RSRC1: variants seen among roughly 807,000 people sequenced by gnomAD.
RSRC1 encodes the protein serine/Arginine-related protein 53.
RSRC1 carries 39 observed loss-of-function variants against 49.1 expected under a neutral mutation model. The observed-to-expected ratio is 0.79, with a 90% CI of 0.61 to 1.04. The LOEUF (loss-of-function observed/expected upper bound fraction) is 1.04, where lower values mean the gene tolerates loss of function less well. Among genes scored for constraint, RSRC1 ranks in the 50% least tolerant of loss-of-function variants. RSRC1 has a pLI of 0.00. For missense variants in RSRC1, 388 were observed against 402.4 expected, an observed-to-expected ratio of 0.96 and a Z score of 0.31; for synonymous variants, 143 against 130.8, an observed-to-expected ratio of 1.09 and a Z score of -0.63.
intron 5 of RSRC1, among the ~76,000 whole-genome samples, chr3:158,342,316 TTGTTGGAGAGAGCC>T (rs1251676012): frequency 6.6e-6 from 1 of 152,180 alleles, no homozygotes. Context: ...TTCCCACATG[TTGTTGGAGAGAGCC>T]TGGCGGAGGT....
chr3:158,465,934 GA>G (rs1365094983), intron 7 of RSRC1, among the ~76,000 whole-genome samples: 2 of 152,088 alleles, frequency 1.3e-5, no homozygotes, highest in South Asian at 2.1e-4. Context: ...ATTTAGTAAA[GA>G]AAAAAGAAAA....
chr3:158,153,806 TGA>T (rs1238392388), intron 3 of RSRC1, among the ~76,000 whole-genome samples: 2 of 149,872 alleles, frequency 1.3e-5, no homozygotes, highest in African/African-American at 5.0e-5. Context: ...AGCTTGTTTT[TGA>T]GAGTCTTGAT....
intron 3 of RSRC1, among the ~76,000 whole-genome samples, chr3:158,135,730 C>CT (rs1405094418): frequency 6.6e-6 from 1 of 152,078 alleles, no homozygotes; most frequent in Non-Finnish European, 1.5e-5. Context: ...GTTGACAAGG[C>CT]TTTAAGTCCC....
rs1484253424 is a variant in RSRC1 at position 158,283,630 on chromosome 3, AT to A, written c.495-14407del. Among the ~76,000 whole-genome samples, 5 of 152,082 alleles carry A rather than the reference AT, an allele frequency of 3.3e-5. No individual in the cohort carries two copies. In the East Asian group the frequency reaches 9.6e-4, roughly 29 times the overall value. ...ATATTTTATTTGACAGTTTGCCATT[AT>A]TGGGCATTTAGTTCTCAGTTTTTTG... On this transcript the variant is annotated intron_variant, in intron 4 of 9. Transcript: ENST00000611884.
At chr3:158,352,876 T>A (rs1730950642) in intron 5 of RSRC1, among the ~76,000 whole-genome samples, 1 of 152,204 alleles carries the variant, frequency 6.6e-6, no homozygotes, top group African/African-American at 2.4e-5. Flanking sequence ...TCATCATAAA[T>A]GTTTGCATTA....
intron 5 of RSRC1, among the ~76,000 whole-genome samples, chr3:158,321,150 C>T (rs569620290): frequency 6.6e-6 from 1 of 152,022 alleles, no homozygotes; most frequent in Non-Finnish European, 1.5e-5. Context: ...CATCACTTCT[C>T]CTTCTTCTGT....
At chr3:158,284,721 C>T (rs1726405929) in intron 4 of RSRC1, among the ~76,000 whole-genome samples, 1 of 152,024 alleles carries the variant, frequency 6.6e-6, no homozygotes, top group African/African-American at 2.4e-5. Context: ...ACGTCCTTTG[C>T]CCACTTTTTG....
intron 3 of RSRC1, among the ~76,000 whole-genome samples, chr3:158,169,656 GA>G (rs1169604152): frequency 1.3e-5 from 2 of 152,118 alleles, no homozygotes; most frequent in African/African-American, 4.8e-5. Flanking sequence ...CATTCTGAAA[GA>G]AATCTTGGCC....
In RSRC1 at chr3:158,379,294, G is replaced by A. The variant is rs372341574; in HGVS notation, c.583+24386G>A. On this transcript the variant is annotated intron_variant, in intron 6 of 9. Transcript: ENST00000611884. ...CAGCTCACTGCAAGCTCCGCCTCCC[G>A]GGTTCATGCCATTCTTCTGCCTCAG... 1.9e-4 allele frequency among the ~76,000 whole-genome samples: 28 copies of A among 144,968 alleles called. No homozygotes were observed. The East Asian group carries it at 2.8e-3, about 14-fold the overall frequency.
intron 7 of RSRC1, among the ~76,000 whole-genome samples, chr3:158,527,077 CTTTT>C (rs543523088): frequency 3.0e-4 from 33 of 110,122 alleles, no homozygotes; most frequent in African/African-American, 6.4e-4. Flanking sequence ...AGTTCAAAAT[CTTTT>C]TTTTTTTTTT....
chr3:158,216,890 T>G lies in RSRC1; in HGVS notation c.494+13645T>G, dbSNP rs149833542. On this transcript the variant is annotated intron_variant, in intron 4 of 9. Coordinates refer to ENST00000611884, the MANE Select transcript of RSRC1 (RefSeq NM_001271838.2). ...ATGCTATTCACCATGAAACTATCTT[T>G]CCCTTCATTTTGCTGTCATAATATG... 1.1e-3 allele frequency among the ~76,000 whole-genome samples: 172 copies of G among 151,832 alleles called. 2 individuals carry two copies. The highest frequency in any genetic ancestry group is 4.0e-3 in the African/African-American group (167 of 41,484).
chr3:158,226,320 A>G (rs1270031518), intron 4 of RSRC1, among the ~76,000 whole-genome samples: 1 of 151,958 alleles, frequency 6.6e-6, no homozygotes, highest in Non-Finnish European at 1.5e-5. Context: ...TATTAGCAGA[A>G]CCTAATAGGG....
At position 158,393,272 on chromosome 3, in the gene RSRC1, G is replaced by A. The variant is rs114831453; in HGVS notation, c.583+38364G>A. ...ATGTAGAAGAATGAGAAAAACAAGA[G>A]CGAATCAATCCGAAAGCTAGTAGAA... is the stretch of plus-strand genomic sequence containing the variant. On this transcript the variant is annotated intron_variant, in intron 6 of 9. Transcript: ENST00000611884. Among the ~76,000 whole-genome samples, 577 of 151,912 alleles carry A rather than the reference G, an allele frequency of 3.8e-3. 5 individuals are homozygous for A. The highest frequency in any genetic ancestry group is 0.013 in the African/African-American group (538 of 41,478).
At chr3:158,161,845 A>C (rs961460297) in intron 3 of RSRC1, among the ~76,000 whole-genome samples, 1 of 152,212 alleles carries the variant, frequency 6.6e-6, no homozygotes, top group Non-Finnish European at 1.5e-5. Context: ...CATGAATCAA[A>C]GATCTCATCA....
At chr3:158,231,144 T>C (rs1316058082) in intron 4 of RSRC1, among the ~76,000 whole-genome samples, 2 of 139,910 alleles carry the variant, frequency 1.4e-5, no homozygotes, top group East Asian at 4.2e-4. Context: ...TAGCTTTTTT[T>C]TTTTTTTTTT....
intron 4 of RSRC1, among the ~76,000 whole-genome samples, chr3:158,238,785 A>G (rs1723390740): frequency 6.6e-6 from 1 of 152,228 alleles, no homozygotes; most frequent in Non-Finnish European, 1.5e-5. Flanking sequence ...CAGAGGGAAT[A>G]CCATCCAGGA....
intron 3 of RSRC1, among the ~76,000 whole-genome samples, chr3:158,148,747 T>C (rs1717326521): frequency 6.6e-6 from 1 of 151,986 alleles, no homozygotes; most frequent in African/African-American, 2.4e-5. Context: ...CAGAACTGGA[T>C]TGCCTCAGCT....
At position 158,439,261 on chromosome 3, in the gene RSRC1, C is replaced by G. The variant is rs541097650; in HGVS notation, c.584-21674C>G. Among the ~76,000 whole-genome samples, 6 of 152,214 alleles carry G rather than the reference C, an allele frequency of 3.9e-5. No individual in the cohort carries two copies. The East Asian group carries it at 1.2e-3, about 29-fold the overall frequency. ...CATTGTGGAAGACAGTGTGGCAATT[C>G]CTCAAGGATCTAGAACTAGAAATAC... On this transcript the variant is annotated intron_variant, in intron 6 of 9. Transcript: ENST00000611884.
chr3:158,215,767 C>T (rs1721914791), intron 4 of RSRC1, among the ~76,000 whole-genome samples: 2 of 151,582 alleles, frequency 1.3e-5, no homozygotes, highest in South Asian at 4.2e-4. Flanking sequence ...ATGTAACTAG[C>T]CTTTAATCCT....
Sources: allele counts gnomAD v4.1 joint callset (sites outside exome capture counted in the v4.1 genomes callset), GRCh38; gene constraint gnomAD v4.1.1; transcripts MANE v1.5; gene names NCBI Gene and HGNC (gene_info 2026-07-23, HGNC 2026-07-21).